TNNI3K: variants seen among roughly 807,000 people sequenced by gnomAD.
TNNI3K encodes the protein TNNI3 interacting kinase.
Under a neutral mutation model 114.5 loss-of-function variants are expected in TNNI3K, and 140 were observed. The ratio of observed to expected loss-of-function variants is 1.22; its 90% confidence interval spans 1.07 to 1.41. TNNI3K has a LOEUF of 1.41. Ranked by LOEUF, TNNI3K falls within the 40% of genes most tolerant of loss-of-function variation. TNNI3K has a pLI of 0.00. For missense variants in TNNI3K, 1,125 were observed against 1,007.6 expected (o/e 1.12, Z -1.58); for synonymous variants, 347 against 347.5 (o/e 1.00, Z 0.02).
intron 6 of TNNI3K, among the ~76,000 whole-genome samples, chr1:74,334,208 G>A (rs1450353341): frequency 1.3e-5 from 2 of 152,152 alleles, no homozygotes; most frequent in Non-Finnish European, 2.9e-5. Context: ...ATAAGTAGAA[G>A]ACTGATTTCC....
chr1:74,365,890 T>C (rs978561263), intron 11 of TNNI3K, among the ~76,000 whole-genome samples: 15 of 151,974 alleles, frequency 9.9e-5, no homozygotes, highest in African/African-American at 3.6e-4. Flanking sequence ...AAATAGACAC[T>C]AGTTTTTAAC....
intron 5 of TNNI3K, among the ~76,000 whole-genome samples, chr1:74,279,367 A>T (rs1656868100): frequency 6.6e-6 from 1 of 152,210 alleles, no homozygotes; most frequent in South Asian, 2.1e-4. Flanking sequence ...ATCAGTTCAT[A>T]GGCTAAAGCT....
intron 21 of TNNI3K, chr1:74,470,343 A>C (rs1197121487): frequency 2.5e-6 from 1 of 400,562 alleles, no homozygotes; most frequent in Non-Finnish European, 4.4e-6. Context: ...ACATACTAGA[A>C]TCTGTCTTGC....
intron 23 of TNNI3K, among the ~76,000 whole-genome samples, chr1:74,522,223 C>T (rs1337908031): frequency 2.0e-5 from 3 of 152,204 alleles, no homozygotes; most frequent in Admixed American, 6.5e-5. Flanking sequence ...GTTATAGACT[C>T]AGGGGCTTCA....
At chr1:74,271,107 T>C (rs963101610) in intron 4 of TNNI3K, among the ~76,000 whole-genome samples, 4 of 151,812 alleles carry the variant, frequency 2.6e-5, no homozygotes, top group African/African-American at 9.7e-5. Context: ...AAGAAATTAC[T>C]GAACTATCAT....
At chr1:74,396,786 AGAG>A (rs1446631992) in intron 17 of TNNI3K, among the ~76,000 whole-genome samples, 1 of 152,222 alleles carries the variant, frequency 6.6e-6, no homozygotes, top group Non-Finnish European at 1.5e-5. Context: ...AACAAGAAAA[AGAG>A]GAGATTCCTC....
At chr1:74,239,928 T>G (rs1255878912) in intron 2 of TNNI3K, 2 of 469,938 alleles carry the variant, frequency 4.3e-6, no homozygotes, top group East Asian at 1.4e-4. Context: ...AAAGTTGCAT[T>G]CACTCATAAC....
At chr1:74,295,207 G>C (rs1038214231) in intron 5 of TNNI3K, among the ~76,000 whole-genome samples, 1 of 151,634 alleles carries the variant, frequency 6.6e-6, no homozygotes, top group Non-Finnish European at 1.5e-5. Context: ...CAGTATAATT[G>C]CATTATGCTC....
chr1:74,328,840 A>G (rs1248354613), intron 5 of TNNI3K, among the ~76,000 whole-genome samples: 1 of 152,096 alleles, frequency 6.6e-6, no homozygotes, highest in Non-Finnish European at 1.5e-5. Flanking sequence ...AACATTTGAA[A>G]GTCCGTTTTG....
At chr1:74,503,646 C>T (rs1408099866) in intron 23 of TNNI3K, among the ~76,000 whole-genome samples, 2 of 152,076 alleles carry the variant, frequency 1.3e-5, no homozygotes, top group African/African-American at 2.4e-5. Flanking sequence ...ACTTCCTGAA[C>T]GTCAGTTATC....
chr1:74,267,078 T>A (rs1656040696), intron 4 of TNNI3K, among the ~76,000 whole-genome samples: 1 of 151,884 alleles, frequency 6.6e-6, no homozygotes, highest in South Asian at 2.1e-4. Context: ...GGCTAGAGAG[T>A]GCATAAAGGA....
intron 5 of TNNI3K, among the ~76,000 whole-genome samples, chr1:74,321,152 C>T (rs1382512551): frequency 1.3e-5 from 2 of 152,064 alleles, no homozygotes; most frequent in African/African-American, 4.8e-5. Context: ...CATTGAAAGC[C>T]TGTTTTCTCA....
At chr1:74,400,889 C>G (rs750479718) in intron 17 of TNNI3K, among the ~76,000 whole-genome samples, 1 of 152,198 alleles carries the variant, frequency 6.6e-6, no homozygotes, top group Non-Finnish European at 1.5e-5. Context: ...TTCAATTGGC[C>G]ATTCCATTCA....
Position 74,353,357 on chromosome 1 carries a change from A to C in TNNI3K, c.1024A>C (p.Thr342Pro). 1 of 1,613,406 alleles carries C rather than the reference A, an allele frequency of 6.2e-7. No homozygotes were observed. Among genetic ancestry groups the C allele is most frequent in the Non-Finnish European group, 8.5e-7 (1 of 1,179,748 alleles). Residue 342 changes from threonine (T) to proline (P), a missense_variant, in exon 10 of 25, where the codon ACT becomes CCT. Coordinates refer to ENST00000326637, the MANE Select transcript of TNNI3K (RefSeq NM_015978.3). The part of the protein sequence containing the change: ...NINHQGRDGH[T>P]GLHSACYHGH... ...CAACCACCAAGGAAGGGATGGGCAC[A>C]CTGGTAAGACTGTGGTGAAAACACC...
Position 74,367,978 on chromosome 1 carries a change from G to T in TNNI3K, c.1321+14G>T. On this transcript the variant is annotated intron_variant, in intron 13 of 24. Coordinates refer to ENST00000326637, the MANE Select transcript of TNNI3K (RefSeq NM_015978.3). Reference sequence around the variant, plus strand: ...GCATGACAAAAGGTACCTATAATCTGGGACAATTGTTATATTTAATTACTA... The same window carrying T: ...GCATGACAAAAGGTACCTATAATCTTGGACAATTGTTATATTTAATTACTA... 1.3e-6 allele frequency: 2 copies of T among 1,542,910 alleles called. No homozygotes were observed. Among genetic ancestry groups the T allele is most frequent in the Non-Finnish European group, 1.7e-6 (2 of 1,151,614 alleles).
chr1:74,507,409 T>C (rs1669963635), intron 23 of TNNI3K, among the ~76,000 whole-genome samples: 1 of 152,194 alleles, frequency 6.6e-6, no homozygotes, highest in Admixed American at 6.5e-5. Flanking sequence ...ATTATTGATG[T>C]CTTTGTATGT....
rs17095528 is a variant in TNNI3K at position 74,527,266 on chromosome 1, A to T, written c.2352-12968A>T. On this transcript the variant is annotated intron_variant, in intron 23 of 24. Coordinates refer to ENST00000326637, the MANE Select transcript of TNNI3K (RefSeq NM_015978.3). ...AGAAATGAAAGGAGGTTCACCAATGACCACAAACTTTGTTAAAAAGAATCA... is the reference window on the plus strand; with the variant it reads ...AGAAATGAAAGGAGGTTCACCAATGTCCACAAACTTTGTTAAAAAGAATCA... Among the ~76,000 whole-genome samples, 1,153 of 152,316 alleles carry T rather than the reference A, an allele frequency of 7.6e-3. 17 individuals carry two copies. Among genetic ancestry groups the T allele is most frequent in the African/African-American group, 0.025 (1,052 of 41,568 alleles).
chr1:74,312,619 C>T (rs1237874532), intron 5 of TNNI3K, among the ~76,000 whole-genome samples: 1 of 152,174 alleles, frequency 6.6e-6, no homozygotes, highest in Non-Finnish European at 1.5e-5. Context: ...GAGATTAAAA[C>T]AGGAGGCTGA....
At chr1:74,307,503 A>G (rs995992817) in intron 5 of TNNI3K, among the ~76,000 whole-genome samples, 2 of 152,210 alleles carry the variant, frequency 1.3e-5, no homozygotes, top group Non-Finnish European at 2.9e-5. Context: ...ATCATATAAA[A>G]CAAATTTTAA....
Sources: gnomAD v4.1 joint callset for allele counts (sites outside exome capture counted in the v4.1 genomes callset) on GRCh38, gnomAD v4.1.1 for gene constraint, MANE v1.5 for transcripts, NCBI Gene and HGNC (gene_info 2026-07-23, HGNC 2026-07-21) for gene names.